The following DGKB variants were observed in gnomAD, a reference collection of about 807,000 sequenced individuals.
DGKB encodes the protein 90 kDa diacylglycerol kinase.
A neutral mutation model predicts 114.3 loss-of-function variants in DGKB; 67 were observed. The ratio of observed to expected loss-of-function variants is 0.59; its 90% CI spans 0.48 to 0.72. DGKB has a LOEUF of 0.72. DGKB is among the 30% of genes least tolerant of loss of function. DGKB has a pLI of 0.00. For synonymous variants in DGKB, 398 were observed against 323.1 expected (o/e 1.23, Z -2.49); for missense variants, 907 against 975.2 (o/e 0.93, Z 0.93).
intron 1 of DGKB, among the ~76,000 whole-genome samples, chr7:14,877,146 G>A (rs1191413765): frequency 1.3e-5 from 2 of 152,192 alleles, no homozygotes; most frequent in Middle Eastern, 3.2e-3. Context: ...TATACCACAT[G>A]TTGTCTCTCT....
At chr7:14,449,184 G>A (rs1831128709) in intron 21 of DGKB, among the ~76,000 whole-genome samples, 1 of 151,948 alleles carries the variant, frequency 6.6e-6, no homozygotes. Flanking sequence ...TACAAACTCA[G>A]CAAGTAATTT....
chr7:14,938,246 A>G (rs1016424105), intron 1 of DGKB, among the ~76,000 whole-genome samples: 2 of 152,194 alleles, frequency 1.3e-5, no homozygotes, highest in Admixed American at 1.3e-4. Context: ...AAATGTGCAT[A>G]TGTTGCCTAC....
chr7:14,368,085 G>C (rs1816992435), intron 21 of DGKB, among the ~76,000 whole-genome samples: 1 of 151,692 alleles, frequency 6.6e-6, no homozygotes, highest in African/African-American at 2.4e-5. Flanking sequence ...GCAGTTCTAG[G>C]TTCACAGCAA....
intron 23 of DGKB, among the ~76,000 whole-genome samples, chr7:14,235,210 C>A (rs772050386): frequency 2.6e-5 from 4 of 152,062 alleles, no homozygotes; most frequent in Admixed American, 6.6e-5. Flanking sequence ...CAGGTCACAT[C>A]TGCGGAGCCA....
intron 2 of DGKB, 149 bp from the exon 3 acceptor site, chr7:14,757,880 T>C (rs1586266597): frequency 3.8e-6 from 2 of 524,488 alleles, no homozygotes; most frequent in East Asian, 3.2e-5. Context: ...CTTGCCATTT[T>C]TGAAAGGCTA....
chr7:14,167,391 C>T, intron 25 of DGKB, among the ~76,000 whole-genome samples: 1 of 151,852 alleles, frequency 6.6e-6, no homozygotes. Context: ...TCCTTTATCA[C>T]AGAACCCTGG....
intron 5 of DGKB, among the ~76,000 whole-genome samples, chr7:14,721,060 TC>T (rs1829091060): frequency 6.6e-6 from 1 of 152,204 alleles, no homozygotes; most frequent in South Asian, 2.1e-4. Context: ...AATCCTCTTT[TC>T]CAATGTTTCC....
chr7:14,387,677 A>G (rs1445170349), intron 21 of DGKB, among the ~76,000 whole-genome samples: 1 of 152,036 alleles, frequency 6.6e-6, no homozygotes, highest in Non-Finnish European at 1.5e-5. Flanking sequence ...TCAGCCTCCT[A>G]AAGTGCTGAG....
At chr7:14,394,565 G>A (rs555689455) in intron 21 of DGKB, among the ~76,000 whole-genome samples, 1 of 152,074 alleles carries the variant, frequency 6.6e-6, no homozygotes, top group South Asian at 2.1e-4. Context: ...CAGTGGCTGT[G>A]CATAACCTTT....
intron 13 of DGKB, among the ~76,000 whole-genome samples, chr7:14,636,486 T>A (rs573097932): frequency 6.6e-6 from 1 of 151,966 alleles, no homozygotes; most frequent in Non-Finnish European, 1.5e-5. Context: ...ACAGTTTATA[T>A]TTAAATCCTT....
chr7:14,653,219 G>A (rs1408369893), intron 13 of DGKB, among the ~76,000 whole-genome samples: 5 of 148,956 alleles, frequency 3.4e-5, no homozygotes, highest in African/African-American at 1.3e-4. Context: ...TGTTTATTGC[G>A]GCATTATTCA....
At chr7:14,847,379 G>GA (rs1301559094) in intron 1 of DGKB, among the ~76,000 whole-genome samples, 3 of 151,112 alleles carry the variant, frequency 2.0e-5, no homozygotes, top group East Asian at 1.9e-4. Flanking sequence ...ATTTCCAACA[G>GA]AAAAAAATCC....
At chr7:14,959,046 T>C (rs996702069) in intron 1 of DGKB, among the ~76,000 whole-genome samples, 6 of 152,100 alleles carry the variant, frequency 3.9e-5, no homozygotes, top group African/African-American at 1.2e-4. Context: ...GTGTTTTATA[T>C]GATATTTTGT....
rs374399474 is a variant in DGKB at position 14,697,894 on chromosome 7, AAG to A, written c.591+199_591+200del. Among the ~76,000 whole-genome samples, 38 of 147,226 alleles carry A rather than the reference AAG, an allele frequency of 2.6e-4. No individual in the cohort carries two copies. The East Asian group carries it at 4.9e-3, about 19-fold the overall frequency. On this transcript the variant is annotated intron_variant, in intron 8 of 25. Coordinates refer to ENST00000402815, the MANE Select transcript of DGKB (RefSeq NM_001350709.2). ...GTAGGAGGGAGGGAGGGGAGAAAGA[AAG>A]AGAAAGAGAGAAGGAAGGAAGAGAG...
chr7:14,685,146 G>T (rs1450375614), intron 10 of DGKB, 99 bp downstream of exon 10: 3 of 746,280 alleles, frequency 4.0e-6, no homozygotes, highest in South Asian at 3.3e-5. Flanking sequence ...AGACAGTCCA[G>T]ATCAGATCTT....
At chr7:14,257,927 C>G (rs929907791) in intron 23 of DGKB, among the ~76,000 whole-genome samples, 2 of 152,086 alleles carry the variant, frequency 1.3e-5, no homozygotes, top group African/African-American at 4.8e-5. Flanking sequence ...GGGGTTTCAC[C>G]ATGTTGGCTA....
intron 8 of DGKB, among the ~76,000 whole-genome samples, chr7:14,697,594 A>G (rs142801097): frequency 0.011 from 1,661 of 151,978 alleles, 29 homozygotes; most frequent in African/African-American, 0.038. Flanking sequence ...GATTAGAAAT[A>G]GTAACTTAGT....
At chr7:14,852,487 C>CAAAAAAAAAAAAAAAAACAAA in intron 1 of DGKB, among the ~76,000 whole-genome samples, 2 of 63,634 alleles carry the variant, frequency 3.1e-5, no homozygotes, top group African/African-American at 6.7e-5. Context: ...TAGTGAAAGT[C>CAAAAAAAAAAAAAAAAACAAA]AAAAAAAAAA....
chr7:14,863,081 T>C (rs1851221440), intron 1 of DGKB, among the ~76,000 whole-genome samples: 1 of 151,522 alleles, frequency 6.6e-6, no homozygotes, highest in Non-Finnish European at 1.5e-5. Flanking sequence ...ATGCTTGATA[T>C]CATTTTTAAT....
Sources: allele counts gnomAD v4.1 joint callset (sites outside exome capture counted in the v4.1 genomes callset), GRCh38; gene constraint gnomAD v4.1.1; transcripts MANE v1.5; gene names NCBI Gene and HGNC (gene_info 2026-07-23, HGNC 2026-07-21).